The following KLK5 variants were observed in gnomAD, a reference collection of about 807,000 sequenced individuals.
KLK5 encodes the protein kallikrein related peptidase 5.
KLK5 carries 18 observed loss-of-function variants against 24.0 expected under a neutral mutation model. That is an observed-to-expected ratio of 0.75 (90% confidence interval 0.52 to 1.11). The LOEUF (loss-of-function observed/expected upper bound fraction) is 1.11, where lower values mean the gene tolerates loss of function less well. Among genes scored for constraint, KLK5 ranks in the 50% most tolerant of loss-of-function variants. The probability of loss-of-function intolerance (pLI) is 0.00; values close to 1 mark genes in which losing one functional copy is unlikely to be tolerated. For synonymous variants in KLK5, 140 were observed against 154.0 expected (o/e 0.91, Z 0.67); for missense variants, 374 against 379.2 (o/e 0.99, Z 0.11).
intron 5 of KLK5, among the ~76,000 whole-genome samples, chr19:50,944,275 G>GCCAC (rs2090612542): frequency 6.6e-6 from 1 of 152,066 alleles, no homozygotes; most frequent in East Asian, 1.9e-4. Context: ...CAAAGTGTTG[G>GCCAC]GATTACAGGC....
intron 2 of KLK5, among the ~76,000 whole-genome samples, chr19:50,951,233 C>T (rs578131144): frequency 6.6e-6 from 1 of 152,216 alleles, no homozygotes; most frequent in East Asian, 1.9e-4. Flanking sequence ...ACTCCATCAT[C>T]AGTCCTCCCG....
rs555010328 is a variant in KLK5, at chr19:50,950,030, C to G, written c.160G>C (p.Ala54Pro). The change falls in exon 3 of 6, where the codon GCC becomes CCC. Residue 54 changes from alanine to proline, a missense_variant. Physicochemically the swap from Ala to Pro is conservative, Grantham distance 27 (BLOSUM62 -1). Transcript: ENST00000336334. ...TCATCCGACCGGGCGTCTTCCCCGG[C>G]CCCAGCTCCCAGGTCCTGGTTGCTC... ...SGSNQDLGAG[A>P]GEDARSDDSS... is the part of the protein sequence containing the mutation. 6.2e-7 allele frequency: 1 copy of G among 1,613,594 alleles called. No homozygotes were observed. The highest frequency in any genetic ancestry group is 2.2e-5 in the East Asian group (1 of 44,868).
chr19:50,949,801 C>CAG, intron 3 of KLK5, 54 bp downstream of exon 3: 1 of 758,364 alleles, frequency 1.3e-6, no homozygotes, highest in Admixed American at 2.2e-5. Flanking sequence ...ACTTCCCCAC[C>CAG]CCCACCCCCA....
rs570941594 is a variant in KLK5 at position 50,948,700 on chromosome 19, C to T, written c.666G>A (p.Pro222=). Residue 222 remains proline (P), a synonymous_variant, in exon 5 of 6, where the codon CCG becomes CCA. Transcript: ENST00000336334. ...LSQKRCEDAY[P]RQIDDTMFCA... ...AGAACATGGTGTCATCTATCTGTCT[C>T]GGGTAAGCATCCTCGCACCTTTTCT... 9.9e-6 allele frequency: 16 copies of T among 1,614,160 alleles called. No individual in the cohort carries two copies. Among genetic ancestry groups the T allele is most frequent in the East Asian group, 6.7e-5 (3 of 44,880 alleles).
intron 2 of KLK5, 61 bp downstream of exon 2, chr19:50,952,524 C>T (rs1568530620): frequency 3.8e-6 from 5 of 1,316,374 alleles, no homozygotes; most frequent in South Asian, 2.8e-5. Context: ...GACAGGCGCT[C>T]TAGTGCCGCA....
intron 3 of KLK5, 45 bp downstream of exon 3, chr19:50,949,810 C>CCAA: frequency 2.3e-6 from 3 of 1,323,908 alleles, no homozygotes; most frequent in Non-Finnish European, 3.1e-6. Context: ...CCCCCACCCC[C>CCAA]ACTTCCCCGT....
chr19:50,949,760 CAGCCCTCACCT>C, intron 3 of KLK5, 84 bp downstream of exon 3: 2 of 867,478 alleles, frequency 2.3e-6, no homozygotes, highest in Non-Finnish European at 3.2e-6. Context: ...CCGTCCCCAC[CAGCCCTCACCT>C]CCATGACACC....
Position 50,943,722 on chromosome 19 carries a change from T to C in KLK5, c.791A>G (p.Tyr264Cys). Reference protein sequence around the residue: ...SLQGLVSWGDYPCARPNRPGV... With the variant: ...SLQGLVSWGDCPCARPNRPGV... The stretch of plus-strand genomic sequence containing the variant: ...CGGTCTGTTGGGCCGGGCACAAGGG[T>C]AATCTCCCCAGGACACGAGTCCCTG... Residue 264 changes from tyrosine (Y) to cysteine (C), a missense_variant, in exon 6 of 6, where the codon TAC becomes TGC. Tyr to Cys is a radical substitution (Grantham distance 194). Coordinates refer to ENST00000336334, the MANE Select transcript of KLK5 (RefSeq NM_012427.5). 1 of 1,613,540 alleles carries C rather than the reference T, an allele frequency of 6.2e-7. No individual in the cohort carries two copies. Among genetic ancestry groups the C allele is most frequent in the Non-Finnish European group, 8.5e-7 (1 of 1,179,830 alleles).
Sources: gnomAD v4.1 joint callset for allele counts (sites outside exome capture counted in the v4.1 genomes callset) on GRCh38, gnomAD v4.1.1 for gene constraint, MANE v1.5 for transcripts, NCBI Gene and HGNC (gene_info 2026-07-23, HGNC 2026-07-21) for gene names.